Variants in CYS1 observed in about 807,000 individuals in gnomAD.
The protein encoded by CYS1 is cystin 1.
A neutral mutation model predicts 9.6 loss-of-function variants in CYS1; 5 were observed. The observed-to-expected ratio is 0.52, with a 90% CI of 0.27 to 1.10. CYS1 has a LOEUF of 1.10. CYS1 is among the 50% of genes least tolerant of loss of function. The pLI is 0.11. For missense variants in CYS1, 221 were observed against 207.9 expected (o/e 1.06, Z -0.39); for synonymous variants, 88 against 95.7 (o/e 0.92, Z 0.47).
At chr2:10,059,022 C>A in intron 2 of CYS1, 64 bp from the exon 3 acceptor site, 1 of 1,446,882 alleles carries the variant, frequency 6.9e-7, no homozygotes, top group South Asian at 1.2e-5. Flanking sequence ...CTCATTTCCC[C>A]TGGCCACCAC....
intron 2 of CYS1, among the ~76,000 whole-genome samples, chr2:10,064,167 G>A (rs776906671): frequency 1.3e-5 from 2 of 152,216 alleles, no homozygotes; most frequent in Non-Finnish European, 2.9e-5. Flanking sequence ...AGACTGCGGT[G>A]AGCCGAGATC....
At chr2:10,066,047 C>A in intron 1 of CYS1, 91 bp from the exon 2 acceptor site, 1 of 1,396,134 alleles carries the variant, frequency 7.2e-7, no homozygotes. Flanking sequence ...ACGATGGCCA[C>A]CACTTTCAAC....
chr2:10,072,787 G>A (rs1038948905), intron 1 of CYS1, among the ~76,000 whole-genome samples: 3 of 152,240 alleles, frequency 2.0e-5, no homozygotes, highest in African/African-American at 7.2e-5. Flanking sequence ...CAGAGGCCAA[G>A]ATCCCAGTGC....
At chr2:10,061,248 C>A (rs1372157534) in intron 2 of CYS1, among the ~76,000 whole-genome samples, 3 of 142,012 alleles carry the variant, frequency 2.1e-5, no homozygotes, top group Non-Finnish European at 4.4e-5. Context: ...GAAAAACCAA[C>A]CAACCAAACA....
chr2:10,068,201 A>G (rs1661720789), intron 1 of CYS1, among the ~76,000 whole-genome samples: 1 of 152,154 alleles, frequency 6.6e-6, no homozygotes, highest in African/African-American at 2.4e-5. Context: ...CACATCTTCT[A>G]GGTCACTTTC....
In CYS1 at chr2:10,080,254, G is replaced by A. The variant is rs1393024990; in HGVS notation, c.-31C>T. On this transcript the variant is annotated 5_prime_UTR_variant, in exon 1 of 3. Coordinates refer to ENST00000381813, the MANE Select transcript of CYS1 (RefSeq NM_001037160.3). The surrounding 1 kb of genome is among the most constrained non-coding windows in gnomAD (Gnocchi z 6.4). The stretch of plus-strand genomic sequence containing the variant: ...GCCCGCCGCCTCCCGGACCGCCGAG[G>A]GGGCCCCCATGAGGGGGCGCGGCCG... 5.8e-6 allele frequency: 6 copies of A among 1,037,924 alleles called. No homozygotes were observed. Among genetic ancestry groups the A allele is most frequent in the Non-Finnish European group, 6.9e-6 (6 of 867,220 alleles). The allele number at this position is 1,037,924 out of a possible 1,614,324, so 64.3% of individuals were successfully genotyped here.
rs1431050957 is a variant in CYS1 at position 10,063,385 on chromosome 2, CTG to C, written c.371+2517_371+2518del. On this transcript the variant is annotated intron_variant, in intron 2 of 2. Coordinates refer to ENST00000381813, the MANE Select transcript of CYS1 (RefSeq NM_001037160.3). The surrounding 1 kb of genome is among the most constrained non-coding windows in gnomAD (Gnocchi z 4.2). ...AGAGTATGAGGGGGAGATGTTTAAA[CTG>C]TGCTTTGAAGGGTTTCTTCTTCGAT... Among the ~76,000 whole-genome samples the C allele has an allele frequency of 6.6e-6, 1 of 152,168 alleles. No homozygotes were observed. Among genetic ancestry groups the C allele is most frequent in the Non-Finnish European group, 1.5e-5 (1 of 68,036 alleles).
chr2:10,073,485 C>T (rs1030934455), intron 1 of CYS1, among the ~76,000 whole-genome samples: 5 of 152,158 alleles, frequency 3.3e-5, no homozygotes, highest in African/African-American at 9.7e-5. Context: ...CTGTGAGGTC[C>T]CTTAAGCTCA....
At chr2:10,069,241 G>C (rs1397869071) in intron 1 of CYS1, among the ~76,000 whole-genome samples, 1 of 152,094 alleles carries the variant, frequency 6.6e-6, no homozygotes, top group African/African-American at 2.4e-5. Context: ...TTTGAACTCA[G>C]AATTTTAATT....
At position 10,080,142 on chromosome 2, in the gene CYS1, C is replaced by A. The variant is rs898773604; in HGVS notation, c.82G>T (p.Ala28Ser). The change falls in exon 1 of 3, where the codon GCA (alanine) becomes TCA (serine). Residue 28 changes from alanine to serine, a missense_variant. Transcript: ENST00000381813. This position sits in a 1 kb window ranked among gnomAD's most constrained non-coding sequence, Gnocchi z 6.4. ...PESLPAGPGA[A>S]ALEGGTRRRV... ...CGGCGGGTCCCGCCCTCCAGGGCTG[C>A]CGCTCCGGGCCCCGCGGGGAGGCTC... The A allele has an allele frequency of 1.2e-5, 13 of 1,043,822 alleles. No individual in the cohort carries two copies. The highest frequency in any genetic ancestry group is 1.5e-5 in the Non-Finnish European group (13 of 870,562). The allele number at this position is 1,043,822 out of a possible 1,614,324, so 64.7% of individuals were successfully genotyped here.
rs1224433364 is a variant in CYS1, at chr2:10,080,233, G to A, written c.-10C>T. On this transcript the variant is annotated 5_prime_UTR_variant, in exon 1 of 3. Coordinates refer to ENST00000381813, the MANE Select transcript of CYS1 (RefSeq NM_001037160.3). The surrounding 1 kb of genome is among the most constrained non-coding windows in gnomAD (Gnocchi z 6.4). ...TGCTGCCGCTGCCCATGGCGCGCCC[G>A]CCGCCTCCCGGACCGCCGAGGGGGC... The A allele has an allele frequency of 1.9e-6, 2 of 1,046,016 alleles. No individual in the cohort carries two copies. The highest frequency in any genetic ancestry group is 2.3e-6 in the Non-Finnish European group (2 of 872,928). 64.8% of individuals were successfully genotyped at this position (1,046,016 alleles called of 1,614,324 possible). A position where few individuals can be genotyped will look rare whatever the true frequency, so the allele number is the denominator to read the frequency against.
At chr2:10,072,703 G>A (rs1165235545) in intron 1 of CYS1, among the ~76,000 whole-genome samples, 1 of 152,188 alleles carries the variant, frequency 6.6e-6, no homozygotes, top group Non-Finnish European at 1.5e-5. Context: ...GGCTCTCCTG[G>A]ACCTGACCCA....
At chr2:10,069,086 A>G (rs2125289796) in intron 1 of CYS1, among the ~76,000 whole-genome samples, 1 of 152,218 alleles carries the variant, frequency 6.6e-6, no homozygotes. Context: ...TTAAATTTTA[A>G]AAAATAAATA....
At chr2:10,064,060 A>C (rs1158139465) in intron 2 of CYS1, among the ~76,000 whole-genome samples, 1 of 152,032 alleles carries the variant, frequency 6.6e-6, no homozygotes, top group African/African-American at 2.4e-5. Context: ...CTGTCTCTAC[A>C]AAAAATACAA....
At chr2:10,060,960 T>C (rs1394937449) in intron 2 of CYS1, among the ~76,000 whole-genome samples, 1 of 152,222 alleles carries the variant, frequency 6.6e-6, no homozygotes, top group Non-Finnish European at 1.5e-5. Context: ...CCCGGCGCAG[T>C]GGCTCATGCC....
chr2:10,069,488 A>T (rs1405702292), intron 1 of CYS1, among the ~76,000 whole-genome samples: 2 of 151,566 alleles, frequency 1.3e-5, no homozygotes, highest in Non-Finnish European at 2.9e-5. Context: ...CCTGCCTCAG[A>T]CTCCCGAGTA....
At chr2:10,070,476 G>T (rs138247006) in intron 1 of CYS1, among the ~76,000 whole-genome samples, 269 of 152,092 alleles carry the variant, frequency 1.8e-3, no homozygotes, top group Middle Eastern at 3.4e-3. Context: ...CTCCAGAGTA[G>T]CTGGGATTAC....
chr2:10,072,425 C>T (rs532699911), intron 1 of CYS1, among the ~76,000 whole-genome samples: 17 of 152,334 alleles, frequency 1.1e-4, no homozygotes, highest in African/African-American at 3.6e-4. Flanking sequence ...TGCATATTTA[C>T]CCAAAATAAA....
rs372386718 is a variant in CYS1, at chr2:10,065,409, T to C, written c.371+495A>G. ...ATCCCTGGAGCAGACAGACAAGGCCTGGGCTCTGGGGTTGGGGGATTTTAA... is the reference window on the plus strand; with the variant it reads ...ATCCCTGGAGCAGACAGACAAGGCCCGGGCTCTGGGGTTGGGGGATTTTAA... On this transcript the variant is annotated intron_variant, in intron 2 of 2. Transcript: ENST00000381813. Among the ~76,000 whole-genome samples the C allele has an allele frequency of 8.5e-5, 13 of 152,324 alleles. No homozygotes were observed. The East Asian group carries it at 2.5e-3, about 29-fold the overall frequency.
Sources: gnomAD v4.1 joint callset for allele counts (sites outside exome capture counted in the v4.1 genomes callset) on GRCh38, gnomAD v4.1.1 for gene constraint, Gnocchi (gnomAD v3.1) non-coding constraint, MANE v1.5 for transcripts, NCBI Gene and HGNC (gene_info 2026-07-23, HGNC 2026-07-21) for gene names.